Variants in ANKRD55 observed in about 807,000 individuals in gnomAD.
The protein encoded by ANKRD55 is ankyrin repeat domain-containing protein 55.
In ANKRD55, 41 loss-of-function variants were observed where a neutral mutation model predicts 60.6. That is an observed-to-expected ratio of 0.68 (90% CI 0.53 to 0.88). The LOEUF (loss-of-function observed/expected upper bound fraction) is 0.88. Ranked by LOEUF, ANKRD55 falls within the 40% of genes least tolerant of loss-of-function variation. The pLI is 0.00. For missense variants in ANKRD55, 732 were observed against 767.6 expected (o/e 0.95, Z 0.55); for synonymous variants, 264 against 290.3 (o/e 0.91, Z 0.92).
chr5:56,201,799 A>G (rs1488219388), intron 2 of ANKRD55, among the ~76,000 whole-genome samples: 1 of 152,216 alleles, frequency 6.6e-6, no homozygotes, highest in African/African-American at 2.4e-5. Context: ...CTAGGTATAT[A>G]CCCCAAGGAA....
At chr5:56,135,342 T>C (rs934220272) in intron 7 of ANKRD55, among the ~76,000 whole-genome samples, 1 of 20,738 alleles carries the variant, frequency 4.8e-5, no homozygotes, top group East Asian at 4.3e-4. Context: ...TTTCTTTCTT[T>C]CTTTCTTTCT....
intron 6 of ANKRD55, among the ~76,000 whole-genome samples, chr5:56,154,584 GT>G (rs368083555): frequency 1.5e-4 from 20 of 134,736 alleles, no homozygotes; most frequent in East Asian, 6.6e-4. Context: ...TAGTTTTAAA[GT>G]TTTTTTTTTT....
At chr5:56,211,296 T>G (rs1759667511) in intron 2 of ANKRD55, among the ~76,000 whole-genome samples, 1 of 152,242 alleles carries the variant, frequency 6.6e-6, no homozygotes, top group African/African-American at 2.4e-5. Context: ...ACCGTTTCAA[T>G]GCCTGAGTAA....
rs748664603 is a variant in ANKRD55 at position 56,143,907 on chromosome 5, GC to G, written c.505del (p.Ala169ArgfsTer14). On this transcript the variant is annotated frameshift_variant, in exon 7 of 12. Transcript: ENST00000341048. LOFTEE classifies it high-confidence loss of function. ...DNEGMTPLHW[A>X]AFHNQPQHTQ... ...GTGTTGAGGCTGGTTGTGGAAAGCC[GC>G]CCAGTGGAGTGGTGTCATTCCCTGC... 13 of 1,613,946 alleles carry G rather than the reference GC, an allele frequency of 8.1e-6. No homozygotes were observed. The highest frequency in any genetic ancestry group is 6.7e-5 in the African/African-American group (5 of 74,912).
At chr5:56,203,119 A>G (rs1759418674) in intron 2 of ANKRD55, among the ~76,000 whole-genome samples, 1 of 152,112 alleles carries the variant, frequency 6.6e-6, no homozygotes, top group African/African-American at 2.4e-5. Context: ...AACTTTTCTG[A>G]TGTTAAAATA....
chr5:56,126,229 G>T (rs1266548842), intron 8 of ANKRD55, among the ~76,000 whole-genome samples: 2 of 152,140 alleles, frequency 1.3e-5, no homozygotes, highest in Admixed American at 1.3e-4. Flanking sequence ...AAACCAGAGT[G>T]CTCAAGTCTA....
In ANKRD55 at chr5:56,166,153, T is replaced by TCTTTCTTC. The variant is rs1561277862; in HGVS notation, c.422+4540_422+4541insGAAGAAAG. ...TTCTTTCTTTCTTTCTTTCTTTCTT[T>TCTTTCTTC]CTTCTTTCCTTCCTTCCTTCCTTCC... On this transcript the variant is annotated intron_variant, in intron 5 of 11. Transcript: ENST00000341048. 2.2e-4 allele frequency among the ~76,000 whole-genome samples: 11 copies of TCTTTCTTC among 49,538 alleles called. No individual in the cohort carries two copies. The East Asian group carries it at 6.7e-3, about 30-fold the overall frequency. 32.5% of individuals were successfully genotyped at this position (49,538 alleles called of 152,430 possible).
intron 10 of ANKRD55, among the ~76,000 whole-genome samples, chr5:56,104,968 G>A (rs1311171382): frequency 1.3e-5 from 2 of 152,126 alleles, no homozygotes; most frequent in Non-Finnish European, 2.9e-5. Flanking sequence ...GTGACCTTAG[G>A]CAGATGAGCT....
chr5:56,144,355 A>G (rs1003620798), intron 6 of ANKRD55, among the ~76,000 whole-genome samples: 2 of 152,210 alleles, frequency 1.3e-5, no homozygotes, highest in African/African-American at 4.8e-5. Context: ...GACAGCCAAC[A>G]CCAAGCACAG....
In ANKRD55 at chr5:56,117,075, A is replaced by T. The variant is rs145013106; in HGVS notation, c.798-293T>A. The T allele has an allele frequency of 5.1e-4, 115 of 225,612 alleles. 1 individual carries two copies. In the East Asian group the frequency reaches 0.011, roughly 22 times the overall value. 14.0% of individuals were successfully genotyped at this position (225,612 alleles called of 1,614,324 possible). A position where few individuals can be genotyped will look rare whatever the true frequency, so the allele number is the denominator to read the frequency against. On this transcript the variant is annotated intron_variant, in intron 8 of 11. Coordinates refer to ENST00000341048, the MANE Select transcript of ANKRD55 (RefSeq NM_024669.3). The stretch of plus-strand genomic sequence containing the variant: ...GGTATGAACAGTTTTGAGGTTCTTT[A>T]TACATAGTGCCAAACTGCCTTCCGG...
intron 5 of ANKRD55, among the ~76,000 whole-genome samples, chr5:56,162,440 TC>T (rs1347807984): frequency 2.6e-5 from 4 of 152,270 alleles, no homozygotes; most frequent in Middle Eastern, 3.4e-3. Flanking sequence ...AGAAGCCAGC[TC>T]CCTTTCTGGC....
At chr5:56,156,268 G>A (rs539792523) in intron 6 of ANKRD55, among the ~76,000 whole-genome samples, 1 of 152,316 alleles carries the variant, frequency 6.6e-6, no homozygotes, top group South Asian at 2.1e-4. Flanking sequence ...TCTGCTTTCT[G>A]GGCTTAAAAC....
chr5:56,147,276 T>C (rs111924108), intron 6 of ANKRD55, among the ~76,000 whole-genome samples: 9 of 152,328 alleles, frequency 5.9e-5, no homozygotes, highest in Non-Finnish European at 1.0e-4. Flanking sequence ...AATACTTGTT[T>C]CTCTGACTCT....
At chr5:56,171,339 A>G (rs1758608215) in intron 4 of ANKRD55, among the ~76,000 whole-genome samples, 1 of 152,186 alleles carries the variant, frequency 6.6e-6, no homozygotes, top group Non-Finnish European at 1.5e-5. Context: ...TCCCATTGCT[A>G]TGTTTTATCC....
At chr5:56,207,501 G>A (rs1411313758) in intron 2 of ANKRD55, among the ~76,000 whole-genome samples, 1 of 152,098 alleles carries the variant, frequency 6.6e-6, no homozygotes, top group Non-Finnish European at 1.5e-5. Context: ...GAACATCATA[G>A]AGTGTATCTA....
intron 2 of ANKRD55, among the ~76,000 whole-genome samples, chr5:56,201,570 G>T (rs890908066): frequency 2.0e-5 from 3 of 152,176 alleles, no homozygotes; most frequent in Non-Finnish European, 2.9e-5. Flanking sequence ...TGTGACCTTA[G>T]GCAAGTTGCT....
chr5:56,171,486 A>G (rs964455836), intron 4 of ANKRD55, among the ~76,000 whole-genome samples: 1 of 151,908 alleles, frequency 6.6e-6, no homozygotes, highest in African/African-American at 2.4e-5. Context: ...TCATCTTCTC[A>G]TTGTCTTTCC....
chr5:56,204,841 T>G (rs1463399484), intron 2 of ANKRD55, among the ~76,000 whole-genome samples: 1 of 152,230 alleles, frequency 6.6e-6, no homozygotes, highest in Admixed American at 6.5e-5. Flanking sequence ...CAATCTTCCT[T>G]ACTTTCTTCT....
intron 7 of ANKRD55, chr5:56,127,509 C>T: frequency 2.3e-5 from 23 of 985,146 alleles, no homozygotes; most frequent in Non-Finnish European, 2.8e-5. Context: ...AAGAAACTGA[C>T]AGAGTTCATC....
Sources: gnomAD v4.1 joint callset for allele counts (sites outside exome capture counted in the v4.1 genomes callset) on GRCh38, gnomAD v4.1.1 for gene constraint, MANE v1.5 for transcripts, NCBI Gene and HGNC (gene_info 2026-07-23, HGNC 2026-07-21) for gene names.